ZCCHC8: variants seen among roughly 807,000 people sequenced by gnomAD.
ZCCHC8 encodes the protein zinc finger CCHC-type containing 8.
A neutral mutation model predicts 70.6 loss-of-function variants in ZCCHC8; 27 were observed. The observed-to-expected ratio is 0.38, with a 90% CI of 0.28 to 0.53. The LOEUF is 0.53. ZCCHC8 is among the 20% of genes least tolerant of loss of function. The probability of loss-of-function intolerance (pLI) is 0.81; values close to 1 mark genes in which losing one functional copy is unlikely to be tolerated. For missense variants in ZCCHC8, 737 were observed against 876.9 expected, an observed-to-expected ratio of 0.84 and a Z score of 2.01; for synonymous variants, 293 against 317.4, an observed-to-expected ratio of 0.92 and a Z score of 0.82.
intron 3 of ZCCHC8, 92 bp downstream of exon 3, chr12:122,492,623 A>C (rs140395496): frequency 9.8e-5 from 82 of 835,552 alleles, no homozygotes; most frequent in Non-Finnish European, 1.4e-4. Context: ...AATAATAAAA[A>C]TGATATGAGT....
At position 122,474,013 on chromosome 12, in the gene ZCCHC8, G is replaced by A. The variant is rs1291358484; in HGVS notation, c.1608C>T (p.Ser536=). 13 of 1,555,428 alleles carry A rather than the reference G, an allele frequency of 8.4e-6. No individual in the cohort carries two copies. Among genetic ancestry groups the A allele is most frequent in the South Asian group, 2.5e-5 (2 of 80,604 alleles). ...CAGGAACGTCGGAGTCGCTGTTTAC[G>A]CTCTCGGCCTGCTCAAGAGCTGCCC... is the stretch of plus-strand genomic sequence containing the variant. ...RIWAALEQAE[S]VNSDSDVPVD... The change falls in exon 14 of 14, where the codon AGC becomes AGT. Residue 536 remains serine (S), a synonymous_variant. Coordinates refer to ENST00000633063, the MANE Select transcript of ZCCHC8 (RefSeq NM_017612.5).
intron 5 of ZCCHC8, among the ~76,000 whole-genome samples, chr12:122,484,506 G>C (rs1458875600): frequency 6.6e-5 from 10 of 150,884 alleles, no homozygotes; most frequent in African/African-American, 2.4e-4. Context: ...TCAAAGTCCT[G>C]GGCTAAAATG....
At position 122,471,850 on chromosome 12, in the gene ZCCHC8, T is replaced by C. The variant is rs533895571; in HGVS notation, c.*1647A>G. ...GGCCTGAGAGCAGGATAACACTGCCTGAGACTAACAATTCAAGACGATCTA... is the reference window on the plus strand; with the variant it reads ...GGCCTGAGAGCAGGATAACACTGCCCGAGACTAACAATTCAAGACGATCTA... On this transcript the variant is annotated 3_prime_UTR_variant, in exon 14 of 14. Transcript: ENST00000633063. 38 of 152,302 alleles carry C rather than the reference T, an allele frequency of 2.5e-4. No individual in the cohort carries two copies. Among genetic ancestry groups the C allele is most frequent in the Non-Finnish European group, 4.6e-4 (31 of 68,014 alleles). The allele number at this position is 152,302 out of a possible 1,614,324, so 9.4% of individuals were successfully genotyped here.
chr12:122,477,048 C>G (rs1240844083), intron 13 of ZCCHC8, among the ~76,000 whole-genome samples: 1 of 151,494 alleles, frequency 6.6e-6, no homozygotes, highest in Non-Finnish European at 1.5e-5. Flanking sequence ...CAAAGAAAAA[C>G]TTAGGGGAAA....
In ZCCHC8 at chr12:122,473,672, G is replaced by T; in HGVS notation, c.1949C>A (p.Pro650His). 6.2e-7 allele frequency: 1 copy of T among 1,613,880 alleles called. No individual in the cohort carries two copies. Among genetic ancestry groups the T allele is most frequent in the East Asian group, 2.2e-5 (1 of 44,904 alleles). Residue 650 changes from proline to histidine, a missense_variant, in exon 14 of 14, where the codon CCT becomes CAT. Pro to His is a moderately conservative substitution (Grantham distance 77, BLOSUM62 -2). Coordinates refer to ENST00000633063, the MANE Select transcript of ZCCHC8 (RefSeq NM_017612.5). Reference sequence around the variant, plus strand: ...GCTATGAATTTTAGTGGCCGTTGAAGGACTGGTGTCTGCAGGAAAGAGCTT... The same window carrying T: ...GCTATGAATTTTAGTGGCCGTTGAATGACTGGTGTCTGCAGGAAAGAGCTT... ...SQKLFPADTSPSTATKIHSPI... is the reference protein window; with the variant it reads ...SQKLFPADTSHSTATKIHSPI...
At position 122,477,914 on chromosome 12, in the gene ZCCHC8, G is replaced by A; in HGVS notation, c.1272C>T (p.Ser424=). 3 of 1,613,942 alleles carry A rather than the reference G, an allele frequency of 1.9e-6. No individual in the cohort carries two copies. Among genetic ancestry groups the A allele is most frequent in the Non-Finnish European group, 2.5e-6 (3 of 1,179,884 alleles). ...SGNKRSSSHS[S]PGSPKKQKNE... ...TCTTCTGCTTCTTTGGACTACCTGG[G>A]CTAGAGTGAGATGAAGACCTCTTGT... Residue 424 remains serine, a synonymous_variant, in exon 13 of 14, where the codon AGC becomes AGT. Coordinates refer to ENST00000633063, the MANE Select transcript of ZCCHC8 (RefSeq NM_017612.5).
Position 122,500,466 on chromosome 12 carries a change from C to G in ZCCHC8, c.199+176G>C. 2 of 843,068 alleles carry G rather than the reference C, an allele frequency of 2.4e-6. 1 individual carries two copies. The highest frequency in any genetic ancestry group is 3.6e-6 in the Non-Finnish European group (2 of 562,466). The allele number at this position is 843,068 out of a possible 1,614,324, so 52.2% of individuals were successfully genotyped here. ...GAGGTCTGCGCCGAGGCAGCCTGCGCGCCCCGAACCCTAGACTCTCGGTCC... is the reference window on the plus strand; with the variant it reads ...GAGGTCTGCGCCGAGGCAGCCTGCGGGCCCCGAACCCTAGACTCTCGGTCC... On this transcript the variant is annotated intron_variant, in intron 1 of 13. Transcript: ENST00000633063. The surrounding 1 kb of genome is among the most constrained non-coding windows in gnomAD (Gnocchi z 4.8).
intron 3 of ZCCHC8, among the ~76,000 whole-genome samples, chr12:122,491,957 T>C (rs987296980): frequency 6.6e-6 from 1 of 152,194 alleles, no homozygotes; most frequent in African/African-American, 2.4e-5. Context: ...TACAGCCCAG[T>C]TGTGCCCAGC....
chr12:122,496,621 C>T (rs371427655), intron 2 of ZCCHC8, among the ~76,000 whole-genome samples: 61 of 152,074 alleles, frequency 4.0e-4, no homozygotes, highest in Middle Eastern at 6.8e-3. Context: ...ATTAAGCCTC[C>T]CATGTAGCTG....
chr12:122,482,294 A>C (rs1449051092), intron 8 of ZCCHC8: 10 of 481,498 alleles, frequency 2.1e-5, no homozygotes, highest in Non-Finnish European at 2.8e-5. Flanking sequence ...AAATTAAATC[A>C]AGTTTTTAGG....
chr12:122,480,261 C>G lies in ZCCHC8; in HGVS notation c.1069G>C (p.Val357Leu). Residue 357 changes from valine (V) to leucine (L), a missense_variant, in exon 11 of 14, where the codon GTC becomes CTC. Physicochemically the swap from Val to Leu is conservative, Grantham distance 32 (BLOSUM62 1). Coordinates refer to ENST00000633063, the MANE Select transcript of ZCCHC8 (RefSeq NM_017612.5). ...ACCAATTTTGAGAGATCGTAAGTGA[C>G]ACTTTTATTCTGTTGTATTTCTCCA... ...EVGEIQQNKSVTYDLSKLVNY... is the reference protein window; with the variant it reads ...EVGEIQQNKSLTYDLSKLVNY... The G allele has an allele frequency of 6.2e-7, 1 of 1,608,076 alleles. No homozygotes were observed. The highest frequency in any genetic ancestry group is 8.5e-7 in the Non-Finnish European group (1 of 1,176,600).
At chr12:122,475,289 C>T (rs1280106060) in intron 13 of ZCCHC8, among the ~76,000 whole-genome samples, 1 of 152,192 alleles carries the variant, frequency 6.6e-6, no homozygotes, top group African/African-American at 2.4e-5. Context: ...AAGTGATCCG[C>T]CCACCTCGGC....
At chr12:122,475,055 T>G (rs1315759228) in intron 13 of ZCCHC8, among the ~76,000 whole-genome samples, 1 of 151,482 alleles carries the variant, frequency 6.6e-6, no homozygotes, top group African/African-American at 2.4e-5. Context: ...ATTTCCCAAT[T>G]TTTTATTTTT....
chr12:122,480,933 A>G (rs1322191400), intron 10 of ZCCHC8: 3 of 152,334 alleles, frequency 2.0e-5, no homozygotes, highest in African/African-American at 4.8e-5. Context: ...TAAAAACTCA[A>G]TACTGCACAA....
At position 122,473,999 on chromosome 12, in the gene ZCCHC8, G is replaced by A; in HGVS notation, c.1622C>T (p.Ser541Phe). 1 of 1,574,330 alleles carries A rather than the reference G, an allele frequency of 6.4e-7. No individual in the cohort carries two copies. The highest frequency in any genetic ancestry group is 8.6e-7 in the Non-Finnish European group (1 of 1,161,856). Residue 541 changes from serine to phenylalanine, a missense_variant, in exon 14 of 14, where the codon TCC becomes TTC. By Grantham distance (155) the Ser-to-Phe change is radical. Transcript: ENST00000633063. Reference sequence around the variant, plus strand: ...TAAAGGTGTGTCCACAGGAACGTCGGAGTCGCTGTTTACGCTCTCGGCCTG... The same window carrying A: ...TAAAGGTGTGTCCACAGGAACGTCGAAGTCGCTGTTTACGCTCTCGGCCTG... ...LEQAESVNSDSDVPVDTPLTG... is the reference protein window; with the variant it reads ...LEQAESVNSDFDVPVDTPLTG...
intron 2 of ZCCHC8, among the ~76,000 whole-genome samples, chr12:122,493,418 G>A (rs1957779531): frequency 6.6e-6 from 1 of 151,866 alleles, no homozygotes; most frequent in African/African-American, 2.4e-5. Flanking sequence ...CAGGTTACAA[G>A]AATATACTTC....
At chr12:122,497,434 C>T (rs1242581157) in intron 2 of ZCCHC8, among the ~76,000 whole-genome samples, 2 of 151,784 alleles carry the variant, frequency 1.3e-5, no homozygotes, top group Non-Finnish European at 2.9e-5. Flanking sequence ...CCCAGCTATT[C>T]GGGAGGCTGA....
rs542964295 is a variant in ZCCHC8 at position 122,478,257 on chromosome 12, T to C, written c.1176A>G (p.Ala392=). The stretch of plus-strand genomic sequence containing the variant: ...TGGCAAACACATCCTTCTGCTGACA[T>C]GCCTGCATTGGTATGGAACCAAAGA... The part of the protein sequence containing the change: ...WRIFGSIPMQ[A]CQQKDVFANY... The change falls in exon 12 of 14, where the codon GCA becomes GCG. Residue 392 remains alanine, a synonymous_variant. Transcript: ENST00000633063. The C allele has an allele frequency of 6.2e-7, 1 of 1,602,562 alleles. No homozygotes were observed. The highest frequency in any genetic ancestry group is 1.7e-5 in the Admixed American group (1 of 58,120).
Position 122,473,917 on chromosome 12 carries a change from C to T in ZCCHC8, c.1704G>A (p.Pro568=), listed in dbSNP as rs568770129. ...TCTGCTTTTCAGATGTTTTTCCCTC[C>T]GGGACAGGGAGGTCTAGCTCATTTG... is the stretch of plus-strand genomic sequence containing the variant. ...PCPNELDLPV[P]EGKTSEKQTL... The change falls in exon 14 of 14, where the codon CCG becomes CCA. Residue 568 remains proline (P), a synonymous_variant. Coordinates refer to ENST00000633063, the MANE Select transcript of ZCCHC8 (RefSeq NM_017612.5). The T allele has an allele frequency of 2.1e-5, 34 of 1,613,734 alleles. No individual in the cohort carries two copies. The highest frequency in any genetic ancestry group is 6.7e-5 in the African/African-American group (5 of 75,016).
Sources: allele counts gnomAD v4.1 joint callset (sites outside exome capture counted in the v4.1 genomes callset), GRCh38; gene constraint gnomAD v4.1.1; non-coding constraint Gnocchi (gnomAD v3.1); transcripts MANE v1.5; gene names NCBI Gene and HGNC (gene_info 2026-07-23, HGNC 2026-07-21).